Variants in CHD1L observed in about 807,000 individuals in gnomAD.
CHD1L encodes ATP-dependent chromatin remodeler CHD1L.
Under a neutral mutation model 115.9 loss-of-function variants are expected in CHD1L, and 118 were observed. The ratio of observed to expected loss-of-function variants is 1.02; its 90% CI spans 0.88 to 1.19. The LOEUF (loss-of-function observed/expected upper bound fraction) is 1.19. CHD1L is among the 50% of genes most tolerant of loss of function. The pLI, the probability that CHD1L is intolerant of heterozygous loss-of-function variation, is 0.00. For missense variants in CHD1L, 1,179 were observed against 1,065.3 expected, an observed-to-expected ratio of 1.11 and a Z score of -1.49; for synonymous variants, 411 against 387.1, an observed-to-expected ratio of 1.06 and a Z score of -0.72.
chr1:147,204,688 G>T, the CHD1L span: 4 of 1,562,266 alleles, frequency 2.6e-6, no homozygotes, highest in African/African-American at 4.1e-5. Context: ...CATTTTTGCA[G>T]CAGGATGCTG....
At chr1:147,200,899 G>A in the CHD1L span, among the ~76,000 whole-genome samples, 1 of 152,086 alleles carries the variant, frequency 6.6e-6, no homozygotes, top group Non-Finnish European at 1.5e-5. Flanking sequence ...CCCCACCCCA[G>A]ACTAACTAAA....
intron 9 of CHD1L, 52 bp from the exon 10 acceptor site, chr1:147,268,730 C>A: frequency 6.9e-7 from 1 of 1,443,082 alleles, no homozygotes; most frequent in Non-Finnish European, 9.7e-7. Context: ...TAGCTACTGG[C>A]TTCTGCCCTT....
the CHD1L span, chr1:147,190,310 A>G: frequency 9.6e-7 from 1 of 1,036,954 alleles, no homozygotes; most frequent in Non-Finnish European, 1.5e-6. Flanking sequence ...ATAATCCTAT[A>G]AACAATTACT....
chr1:147,178,466 C>A, the CHD1L span: 1 of 1,611,444 alleles, frequency 6.2e-7, no homozygotes, highest in South Asian at 1.1e-5. Context: ...TATGATGGAC[C>A]TAGGACTGCT....
chr1:147,215,722 T>G, the CHD1L span: 1 of 1,509,850 alleles, frequency 6.6e-7, no homozygotes, highest in Non-Finnish European at 9.0e-7. Flanking sequence ...GCAAACAACT[T>G]CAAACACAAA....
the CHD1L span, among the ~76,000 whole-genome samples, chr1:147,193,400 CTTCT>C: frequency 1.3e-5 from 2 of 151,884 alleles, no homozygotes; most frequent in Non-Finnish European, 2.9e-5. Flanking sequence ...CTTCTCTTTT[CTTCT>C]TTATTAGTCT....
intron 6 of CHD1L, among the ~76,000 whole-genome samples, chr1:147,263,787 A>C (rs782765450): frequency 2.6e-5 from 4 of 151,942 alleles, no homozygotes; most frequent in Non-Finnish European, 4.4e-5. Flanking sequence ...CTCTGTGATC[A>C]CCAGAAACAT....
chr1:147,279,993 A>C, intron 14 of CHD1L, 33 bp from the exon 15 acceptor site: 1 of 1,611,850 alleles, frequency 6.2e-7, no homozygotes, highest in South Asian at 1.1e-5. Flanking sequence ...TTTCATGAGA[A>C]TTTGCTGGAC....
At chr1:147,237,402 T>C in the CHD1L span, among the ~76,000 whole-genome samples, 2 of 151,878 alleles carry the variant, frequency 1.3e-5, no homozygotes, top group South Asian at 2.1e-4. Flanking sequence ...TTGGTGGACA[T>C]GACTCAGGCA....
chr1:147,255,880 G>A lies in CHD1L; in HGVS notation c.415G>A (p.Asp139Asn), dbSNP rs1553939959. 1 of 1,613,904 alleles carries A rather than the reference G, an allele frequency of 6.2e-7. No homozygotes were observed. The highest frequency in any genetic ancestry group is 1.1e-5 in the South Asian group (1 of 91,046). ...DKEERACLQQ[D>N]LKQESRFHVL... ...GGAGGAAAGAGCCTGCCTTCAGCAA[G>A]ACCTGAAACAGGAGTCACGTTTTCA... The change falls in exon 4 of 23, where the codon GAC (aspartate) becomes AAC (asparagine). Residue 139 changes from aspartate (D) to asparagine (N), a missense_variant. By Grantham distance (23) the Asp-to-Asn change is conservative. Coordinates refer to ENST00000369258, the MANE Select transcript of CHD1L (RefSeq NM_004284.6).
chr1:147,230,874 T>C, the CHD1L span, among the ~76,000 whole-genome samples: 1 of 151,860 alleles, frequency 6.6e-6, no homozygotes, highest in Non-Finnish European at 1.5e-5. Context: ...ATCATTTTTA[T>C]TGCATCTATT....
At chr1:147,196,193 C>A in the CHD1L span, among the ~76,000 whole-genome samples, 1 of 152,048 alleles carries the variant, frequency 6.6e-6, no homozygotes, top group African/African-American at 2.4e-5. Flanking sequence ...CTGGTGTATC[C>A]CTCTTAAAAT....
chr1:147,217,103 G>C, the CHD1L span, among the ~76,000 whole-genome samples: 1 of 152,126 alleles, frequency 6.6e-6, no homozygotes. Context: ...AGCCGGGCGT[G>C]GTGGCGCATG....
intron 14 of CHD1L, among the ~76,000 whole-genome samples, chr1:147,278,222 GTTT>G (rs71083825): frequency 7.3e-4 from 67 of 91,160 alleles, no homozygotes; most frequent in African/African-American, 2.9e-3. Flanking sequence ...TGTTTTTTGG[GTTT>G]TTTTTTTTTT....
intron 16 of CHD1L, among the ~76,000 whole-genome samples, chr1:147,285,007 A>G (rs1177902461): frequency 6.6e-6 from 1 of 152,202 alleles, no homozygotes; most frequent in Non-Finnish European, 1.5e-5. Context: ...CCTGCAGGGT[A>G]TGCTTTTAGT....
At chr1:147,282,770 A>G (rs1372089365) in intron 15 of CHD1L, among the ~76,000 whole-genome samples, 4 of 152,236 alleles carry the variant, frequency 2.6e-5, no homozygotes, top group African/African-American at 9.6e-5. Flanking sequence ...ATAAAGTCAC[A>G]CTCTTTTCCA....
intron 3 of CHD1L, among the ~76,000 whole-genome samples, chr1:147,255,372 C>T (rs376526389): frequency 5.3e-5 from 8 of 152,080 alleles, no homozygotes; most frequent in East Asian, 1.9e-4. Context: ...AGATTACAGG[C>T]GTGCGTCACC....
chr1:147,276,473 G>A (rs1335759369), intron 14 of CHD1L, among the ~76,000 whole-genome samples: 6 of 152,120 alleles, frequency 3.9e-5, no homozygotes, highest in Middle Eastern at 3.4e-3. Context: ...GGGTTTGAGC[G>A]GCTTTCTTAA....
At chr1:147,201,486 T>C in the CHD1L span, 2 of 1,613,552 alleles carry the variant, frequency 1.2e-6, no homozygotes, top group Non-Finnish European at 8.5e-7. Flanking sequence ...CATTTAAGGT[T>C]GGATGCTGAC....
Sources: gnomAD v4.1 joint callset for allele counts (sites outside exome capture counted in the v4.1 genomes callset) on GRCh38, gnomAD v4.1.1 for gene constraint, MANE v1.5 for transcripts, NCBI Gene and HGNC (gene_info 2026-07-23, HGNC 2026-07-21) for gene names.